PPARGC1A: variants seen among roughly 807,000 people sequenced by gnomAD.
PPARGC1A encodes the protein PPARG coactivator 1 alpha.
In PPARGC1A, 25 loss-of-function variants were observed where a neutral mutation model predicts 88.7. The observed-to-expected ratio is 0.28, with a 90% CI of 0.21 to 0.39. The LOEUF (loss-of-function observed/expected upper bound fraction) is 0.39. Ranked by LOEUF, PPARGC1A falls within the 10% of genes least tolerant of loss-of-function variation. PPARGC1A has a pLI of 1.00. For missense variants in PPARGC1A, 880 were observed against 968.7 expected, an observed-to-expected ratio of 0.91 and a Z score of 1.22; for synonymous variants, 363 against 355.6, an observed-to-expected ratio of 1.02 and a Z score of -0.24.
the PPARGC1A span, among the ~76,000 whole-genome samples, chr4:24,216,513 C>G: frequency 1.3e-5 from 2 of 152,168 alleles, no homozygotes; most frequent in Non-Finnish European, 2.9e-5. Context: ...ATCGGCTCTT[C>G]TTCAGGAGGA....
chr4:24,017,513 CAGAG>C, the PPARGC1A span, among the ~76,000 whole-genome samples: 1 of 151,904 alleles, frequency 6.6e-6, no homozygotes, highest in Non-Finnish European at 1.5e-5. Context: ...GTTAAGCAAA[CAGAG>C]AGATAGCGCA....
chr4:24,408,428 C>T, the PPARGC1A span, among the ~76,000 whole-genome samples: 5 of 151,654 alleles, frequency 3.3e-5, no homozygotes, highest in East Asian at 3.9e-4. Context: ...ATATTGTGAT[C>T]GCAAATAATT....
the PPARGC1A span, among the ~76,000 whole-genome samples, chr4:24,035,304 C>G: frequency 6.6e-6 from 1 of 151,992 alleles, no homozygotes; most frequent in African/African-American, 2.4e-5. Flanking sequence ...CTTTGGGAGG[C>G]TGGGGCGGGC....
chr4:24,333,104 T>G, the PPARGC1A span, among the ~76,000 whole-genome samples: 1 of 152,108 alleles, frequency 6.6e-6, no homozygotes, highest in Non-Finnish European at 1.5e-5. Flanking sequence ...TAGCTGGGCG[T>G]GGTGACACGC....
the PPARGC1A span, among the ~76,000 whole-genome samples, chr4:23,949,544 C>T: frequency 5.3e-5 from 8 of 152,264 alleles, no homozygotes; most frequent in Admixed American, 1.3e-4. Context: ...TATTTAAATA[C>T]GTCATGTGAT....
the PPARGC1A span, among the ~76,000 whole-genome samples, chr4:24,296,319 C>G: frequency 6.6e-6 from 1 of 151,656 alleles, no homozygotes; most frequent in Non-Finnish European, 1.5e-5. Context: ...GACATTCTTA[C>G]CTTAAAAATT....
the PPARGC1A span, among the ~76,000 whole-genome samples, chr4:24,095,148 C>A: frequency 7.6e-6 from 1 of 132,364 alleles, no homozygotes; most frequent in Non-Finnish European, 1.5e-5. Context: ...GACAGAGTCT[C>A]ACTCTGTCAC....
the PPARGC1A span, among the ~76,000 whole-genome samples, chr4:24,236,023 G>T: frequency 1.3e-5 from 2 of 152,298 alleles, no homozygotes; most frequent in African/African-American, 4.8e-5. Flanking sequence ...CAATATCCCA[G>T]GGTTGTGTGT....
the PPARGC1A span, among the ~76,000 whole-genome samples, chr4:24,338,675 G>A: frequency 2.0e-5 from 3 of 151,498 alleles, no homozygotes; most frequent in Non-Finnish European, 4.4e-5. Context: ...CATTAAAAAC[G>A]TTCACCCATC....
chr4:24,271,385 CT>C, the PPARGC1A span, among the ~76,000 whole-genome samples: 140,380 of 151,080 alleles, frequency 0.93, 65,319 homozygotes, highest in South Asian at 0.98. Context: ...TGTCCTTTTA[CT>C]TTTTTTTTTG....
chr4:24,279,383 C>T, the PPARGC1A span, among the ~76,000 whole-genome samples: 170 of 152,136 alleles, frequency 1.1e-3, no homozygotes, highest in South Asian at 2.1e-3. Flanking sequence ...TTGTACAATC[C>T]CAATCTTGGG....
chr4:24,145,829 C>G, the PPARGC1A span, among the ~76,000 whole-genome samples: 1 of 152,138 alleles, frequency 6.6e-6, no homozygotes, highest in African/African-American at 2.4e-5. Context: ...CCTATTTATA[C>G]TAAACTTCAC....
chr4:23,828,711 AGT>A, intron 4 of PPARGC1A, 107 bp from the exon 5 acceptor site: 1 of 946,818 alleles, frequency 1.1e-6, no homozygotes, highest in South Asian at 1.5e-5. Context: ...GTTCAGTCTA[AGT>A]GTACTAGATC....
chr4:24,290,209 T>C, the PPARGC1A span, among the ~76,000 whole-genome samples: 191 of 152,294 alleles, frequency 1.3e-3, no homozygotes, highest in Non-Finnish European at 2.1e-3. Flanking sequence ...ACCTTCTTTT[T>C]TTTTTAAATT....
the PPARGC1A span, among the ~76,000 whole-genome samples, chr4:24,175,978 T>C: frequency 6.6e-6 from 1 of 151,918 alleles, no homozygotes; most frequent in African/African-American, 2.4e-5. Flanking sequence ...ATGCAAACTC[T>C]CTGGGGATTC....
At chr4:24,344,734 C>T in the PPARGC1A span, among the ~76,000 whole-genome samples, 2 of 152,058 alleles carry the variant, frequency 1.3e-5, no homozygotes, top group East Asian at 1.9e-4. Flanking sequence ...CTTCCTTTTG[C>T]CATGCAAAAG....
the PPARGC1A span, among the ~76,000 whole-genome samples, chr4:24,445,565 T>TTGG: frequency 1.3e-5 from 2 of 152,144 alleles, no homozygotes; most frequent in East Asian, 3.8e-4. Context: ...AGGAAACATG[T>TTGG]TGGTATATGT....
chr4:24,229,310 C>T, the PPARGC1A span, among the ~76,000 whole-genome samples: 995 of 150,626 alleles, frequency 6.6e-3, 4 homozygotes, highest in Middle Eastern at 0.01. Context: ...CGCGCCACCA[C>T]GCTAATTTTT....
chr4:24,300,490 A>G, the PPARGC1A span, among the ~76,000 whole-genome samples: 1 of 151,970 alleles, frequency 6.6e-6, no homozygotes, highest in Middle Eastern at 3.4e-3. Context: ...TTAGACACTC[A>G]GGTAGATAAC....
Sources: gnomAD v4.1 joint callset for allele counts (sites outside exome capture counted in the v4.1 genomes callset) on GRCh38, gnomAD v4.1.1 for gene constraint, MANE v1.5 for transcripts, NCBI Gene and HGNC (gene_info 2026-07-23, HGNC 2026-07-21) for gene names.